The following FAM110B variants were observed in gnomAD, a reference collection of about 807,000 sequenced individuals.
The protein encoded by FAM110B is family with sequence similarity 110 member B.
A neutral mutation model predicts 20.4 loss-of-function variants in FAM110B; 6 were observed. The observed-to-expected ratio is 0.29, with a 90% CI of 0.16 to 0.58. FAM110B has a LOEUF of 0.58. Ranked by LOEUF, FAM110B falls within the 20% of genes least tolerant of loss-of-function variation. The probability of loss-of-function intolerance (pLI) is 0.90; values close to 1 mark genes in which losing one functional copy is unlikely to be tolerated. For synonymous variants in FAM110B, 226 were observed against 214.1 expected, an observed-to-expected ratio of 1.06 and a Z score of -0.49; for missense variants, 434 against 498.2, an observed-to-expected ratio of 0.87 and a Z score of 1.23.
intron 2 of FAM110B, among the ~76,000 whole-genome samples, chr8:58,047,637 A>ACTCTCTCTCTTT (rs1585840295): frequency 2.3e-5 from 1 of 43,554 alleles, no homozygotes; most frequent in African/African-American, 6.8e-5. Flanking sequence ...TCTCTCTCTG[A>ACTCTCTCTCTTT]CTTATATAAA....
intron 1 of FAM110B, among the ~76,000 whole-genome samples, chr8:58,006,923 A>ATATATATATATATATATATATATTTT: frequency 2.4e-5 from 3 of 126,536 alleles, no homozygotes; most frequent in African/African-American, 6.1e-5. Context: ...ATATATATAT[A>ATATATATATATATATATATATATTTT]TTTTTCCAAA....
intron 2 of FAM110B, among the ~76,000 whole-genome samples, chr8:58,044,183 C>T (rs1226261684): frequency 6.6e-6 from 1 of 152,188 alleles, no homozygotes; most frequent in Non-Finnish European, 1.5e-5. Context: ...CATGTGTTCT[C>T]AGAGGCACTG....
chr8:58,110,346 T>G (rs1807030212), intron 3 of FAM110B, among the ~76,000 whole-genome samples: 2 of 152,166 alleles, frequency 1.3e-5, no homozygotes, highest in Admixed American at 6.5e-5. Context: ...AAGAATTTAC[T>G]TAGGATGTTA....
chr8:58,037,014 G>T (rs1277062646), intron 2 of FAM110B, among the ~76,000 whole-genome samples: 1 of 152,088 alleles, frequency 6.6e-6, no homozygotes, highest in Admixed American at 6.6e-5. Context: ...TTGTTTCAGT[G>T]TTTGAGTAAA....
chr8:58,148,004 CAAAG>C lies in FAM110B; in HGVS notation c.*667_*670del, dbSNP rs1803906381. ...GACCCCAAGGAAAGACGATCAGATA[CAAAG>C]AAAGATGGTTAAATCTAGGAGGTTG... is the stretch of plus-strand genomic sequence containing the variant. On this transcript the variant is annotated 3_prime_UTR_variant, in exon 4 of 4. Transcript: ENST00000519262. 6.0e-6 allele frequency: 1 copy of C among 166,988 alleles called. No individual in the cohort carries two copies. The highest frequency in any genetic ancestry group is 2.1e-4 in the South Asian group (1 of 4,816). The allele number at this position is 166,988 out of a possible 1,614,324, so 10.3% of individuals were successfully genotyped here.
chr8:58,128,550 T>C (rs1043688361), intron 3 of FAM110B, among the ~76,000 whole-genome samples: 1 of 152,122 alleles, frequency 6.6e-6, no homozygotes, highest in African/African-American at 2.4e-5. Flanking sequence ...AAACATTTGA[T>C]AGATACTTTT....
At chr8:58,073,106 GT>G (rs1181733217) in intron 2 of FAM110B, among the ~76,000 whole-genome samples, 1 of 152,180 alleles carries the variant, frequency 6.6e-6, no homozygotes, top group African/African-American at 2.4e-5. Flanking sequence ...TCTCATCTAA[GT>G]GTAGTTATTT....
At chr8:58,043,435 ATTTATTTATTT>A (rs1031588744) in intron 2 of FAM110B, 2 of 151,156 alleles carry the variant, frequency 1.3e-5, no homozygotes, top group South Asian at 2.1e-4. Flanking sequence ...TTTTCTTTTT[ATTTATTTATTT>A]TTTATTTATT....
At chr8:58,055,305 C>T (rs1805525302) in intron 2 of FAM110B, among the ~76,000 whole-genome samples, 1 of 152,172 alleles carries the variant, frequency 6.6e-6, no homozygotes, top group Non-Finnish European at 1.5e-5. Flanking sequence ...CAGATCTGAC[C>T]AGCAGATGTG....
At chr8:58,078,965 TG>T (rs1806113893) in intron 3 of FAM110B, among the ~76,000 whole-genome samples, 1 of 152,242 alleles carries the variant, frequency 6.6e-6, no homozygotes, top group South Asian at 2.1e-4. Flanking sequence ...AAATGCTTGC[TG>T]GTTTTCCCCA....
chr8:58,098,191 T>A (rs916690124), intron 3 of FAM110B, among the ~76,000 whole-genome samples: 1 of 152,216 alleles, frequency 6.6e-6, no homozygotes, highest in African/African-American at 2.4e-5. Flanking sequence ...GGGAGTTTTA[T>A]CTGTAAGCCC....
At chr8:58,018,561 A>G (rs1361613723) in intron 1 of FAM110B, among the ~76,000 whole-genome samples, 5 of 152,098 alleles carry the variant, frequency 3.3e-5, no homozygotes, top group Non-Finnish European at 1.5e-5. Context: ...AGTCTTGACA[A>G]ACTTTCCCTT....
At chr8:58,050,182 A>G (rs1166727977) in intron 2 of FAM110B, among the ~76,000 whole-genome samples, 1 of 152,046 alleles carries the variant, frequency 6.6e-6, no homozygotes, top group African/African-American at 2.4e-5. Context: ...AGGAGGATAG[A>G]ATATTCTTCA....
At chr8:58,085,938 A>G (rs1445702187) in intron 3 of FAM110B, among the ~76,000 whole-genome samples, 2 of 152,244 alleles carry the variant, frequency 1.3e-5, no homozygotes, top group Non-Finnish European at 2.9e-5. Flanking sequence ...TTAGCTTACA[A>G]AATTAATTTG....
intron 2 of FAM110B, among the ~76,000 whole-genome samples, chr8:58,037,948 A>G (rs773560963): frequency 1.5e-4 from 23 of 152,270 alleles, no homozygotes; most frequent in Admixed American, 6.5e-4. Context: ...TTTGGAGTCT[A>G]TCAGCTGAAC....
chr8:58,119,796 G>C (rs538740891), intron 3 of FAM110B, among the ~76,000 whole-genome samples: 2 of 152,256 alleles, frequency 1.3e-5, no homozygotes, highest in South Asian at 4.2e-4. Context: ...GCAGTTCTTT[G>C]GTACTGACTG....
rs1026797947 is a variant in FAM110B, at chr8:58,109,406, G to T, written c.-325+33783G>T. On this transcript the variant is annotated intron_variant, in intron 3 of 3. Coordinates refer to ENST00000519262, the MANE Select transcript of FAM110B (RefSeq NM_001377989.1). Reference sequence around the variant, plus strand: ...GCCATCACGAGAACCTGTGTAAATAGAACTCATAAAGACCCCAGGGCTTAC... The same window carrying T: ...GCCATCACGAGAACCTGTGTAAATATAACTCATAAAGACCCCAGGGCTTAC... 1.4e-4 allele frequency among the ~76,000 whole-genome samples: 21 copies of T among 152,106 alleles called. 1 individual carries two copies. Among genetic ancestry groups the T allele is most frequent in the African/African-American group, 5.1e-4 (21 of 41,432 alleles).
rs868676674 is a variant in FAM110B at position 58,146,554 on chromosome 8, G to T, written c.324G>T (p.Glu108Asp). The T allele has an allele frequency of 1.2e-6, 2 of 1,614,036 alleles. No homozygotes were observed. Among genetic ancestry groups the T allele is most frequent in the Non-Finnish European group, 8.5e-7 (1 of 1,179,946 alleles). The stretch of plus-strand genomic sequence containing the variant: ...TGTTCGGCAACCACGCCAAGACCGA[G>T]AGCGGCGTGCAGAGGGAGAACCTGA... ...LKVFGNHAKT[E>D]SGVQRENLKL... The change falls in exon 4 of 4, where the codon GAG becomes GAT. Residue 108 changes from glutamate (E) to aspartate (D), a missense_variant. Glu to Asp is a conservative substitution (Grantham distance 45, BLOSUM62 2). Coordinates refer to ENST00000519262, the MANE Select transcript of FAM110B (RefSeq NM_001377989.1).
chr8:58,038,118 A>G (rs1295109274), intron 2 of FAM110B, among the ~76,000 whole-genome samples: 2 of 152,180 alleles, frequency 1.3e-5, no homozygotes, highest in Admixed American at 6.5e-5. Flanking sequence ...ACTTGCACCT[A>G]TTGAGAAAGC....
Sources: gnomAD v4.1 joint callset for allele counts (sites outside exome capture counted in the v4.1 genomes callset) on GRCh38, gnomAD v4.1.1 for gene constraint, MANE v1.5 for transcripts, NCBI Gene and HGNC (gene_info 2026-07-23, HGNC 2026-07-21) for gene names.